The following ASTN1 variants were observed in gnomAD, a reference collection of about 807,000 sequenced individuals.
ASTN1 encodes astrotactin-1.
Under a neutral mutation model 140.7 loss-of-function variants are expected in ASTN1, and 41 were observed. The observed-to-expected ratio is 0.29, with a 90% CI of 0.23 to 0.38. The LOEUF (loss-of-function observed/expected upper bound fraction) is 0.38, where lower values mean the gene tolerates loss of function less well. ASTN1 is among the 10% of genes least tolerant of loss of function. The pLI is 1.00. For synonymous variants in ASTN1, 640 were observed against 652.2 expected (o/e 0.98, Z 0.29); for missense variants, 1,479 against 1,678.8 (o/e 0.88, Z 2.08).
chr1:177,056,914 T>C (rs1252790812), intron 2 of ASTN1, among the ~76,000 whole-genome samples: 1 of 152,168 alleles, frequency 6.6e-6, no homozygotes, highest in Non-Finnish European at 1.5e-5. Flanking sequence ...TGCTTGACTT[T>C]TGGTTTAAAC....
chr1:177,041,699 T>C (rs1676981229), intron 2 of ASTN1, among the ~76,000 whole-genome samples: 1 of 152,262 alleles, frequency 6.6e-6, no homozygotes, highest in African/African-American at 2.4e-5. Flanking sequence ...TTAAGGGAAT[T>C]ATTGAACAAG....
chr1:177,018,128 C>T (rs1334933803), intron 7 of ASTN1, among the ~76,000 whole-genome samples: 1 of 116,972 alleles, frequency 8.5e-6, no homozygotes, highest in African/African-American at 3.3e-5. Context: ...GATCTCCCTT[C>T]CCAGCAGAGA....
At chr1:176,928,714 T>C (rs985286140) in intron 16 of ASTN1, among the ~76,000 whole-genome samples, 1 of 152,220 alleles carries the variant, frequency 6.6e-6, no homozygotes, top group African/African-American at 2.4e-5. Context: ...TGGACCCATG[T>C]TGGGGCCTGA....
In ASTN1 at chr1:177,069,920, C is replaced by T. The variant is rs578083721; in HGVS notation, c.284-8655G>A. Among the ~76,000 whole-genome samples, 11 of 151,814 alleles carry T rather than the reference C, an allele frequency of 7.2e-5. No homozygotes were observed. In the South Asian group the frequency reaches 2.3e-3, roughly 32 times the overall value. On this transcript the variant is annotated intron_variant, in intron 1 of 22. Coordinates refer to ENST00000361833, the MANE Select transcript of ASTN1 (RefSeq NM_004319.3). ...GGCAGGGTTATCTGAGCTGCAAATACACTGGTAAAAGGATTTTTTACTTAT... is the reference window on the plus strand; with the variant it reads ...GGCAGGGTTATCTGAGCTGCAAATATACTGGTAAAAGGATTTTTTACTTAT...
intron 7 of ASTN1, among the ~76,000 whole-genome samples, chr1:177,022,038 T>G (rs1378870697): frequency 2.0e-5 from 3 of 152,186 alleles, no homozygotes; most frequent in Non-Finnish European, 4.4e-5. Flanking sequence ...CTCCTCCATA[T>G]GGGGGCCTAG....
At chr1:176,891,486 T>C (rs6685449) in intron 17 of ASTN1, among the ~76,000 whole-genome samples, 127,236 of 152,176 alleles carry the variant, frequency 0.84, 53,348 homozygotes, top group Middle Eastern at 0.95. Flanking sequence ...TAATAGGTGA[T>C]GCATGCTATA....
intron 8 of ASTN1, among the ~76,000 whole-genome samples, chr1:176,991,570 G>A (rs965677565): frequency 6.6e-6 from 1 of 151,912 alleles, no homozygotes; most frequent in African/African-American, 2.4e-5. Context: ...GGAGCCAGGC[G>A]ACCTGATCGC....
intron 1 of ASTN1, among the ~76,000 whole-genome samples, chr1:177,151,272 T>C (rs1455733802): frequency 2.0e-5 from 3 of 152,158 alleles, no homozygotes; most frequent in Admixed American, 6.6e-5. Flanking sequence ...AAAAATCTAT[T>C]CTCTCTTTCT....
At position 177,060,743 on chromosome 1, in the gene ASTN1, C is replaced by T. The variant is rs1044984308; in HGVS notation, c.471+335G>A. Among the ~76,000 whole-genome samples the T allele has an allele frequency of 5.3e-5, 8 of 152,118 alleles. No individual in the cohort carries two copies. The South Asian group carries it at 8.3e-4, about 16-fold the overall frequency. Reference sequence around the variant, plus strand: ...CTTGAACTCCTGGCCTCAAGTGATCCGTCCATCTTGGTTTCCCAAAGTGCT... The same window carrying T: ...CTTGAACTCCTGGCCTCAAGTGATCTGTCCATCTTGGTTTCCCAAAGTGCT... On this transcript the variant is annotated intron_variant, in intron 2 of 22. Transcript: ENST00000361833.
chr1:176,858,687 G>A (rs1047363031), downstream of ASTN1, among the ~76,000 whole-genome samples: 2 of 152,182 alleles, frequency 1.3e-5, no homozygotes, highest in Admixed American at 1.3e-4. Flanking sequence ...AATCTGCTCA[G>A]CTTGTGAAGG....
chr1:177,055,768 T>G (rs145353894), intron 2 of ASTN1, among the ~76,000 whole-genome samples: 6 of 152,324 alleles, frequency 3.9e-5, no homozygotes, highest in Non-Finnish European at 8.8e-5. Context: ...TCCTGATAAA[T>G]TAGAGCATCC....
At chr1:177,062,907 AC>A (rs1678169822) in intron 1 of ASTN1, among the ~76,000 whole-genome samples, 1 of 152,210 alleles carries the variant, frequency 6.6e-6, no homozygotes, top group African/African-American at 2.4e-5. Context: ...AGTGAATGTG[AC>A]AAGTGTGACA....
At chr1:176,982,703 A>G (rs541084419) in intron 8 of ASTN1, among the ~76,000 whole-genome samples, 1 of 152,258 alleles carries the variant, frequency 6.6e-6, no homozygotes, top group African/African-American at 2.4e-5. Context: ...AGTATGTCTG[A>G]TATGGGGCAT....
chr1:177,065,848 C>G (rs780767019), intron 1 of ASTN1, among the ~76,000 whole-genome samples: 1 of 152,032 alleles, frequency 6.6e-6, no homozygotes, highest in Non-Finnish European at 1.5e-5. Context: ...ACAAAGACCC[C>G]GAAAGAAAAT....
Position 176,946,128 on chromosome 1 carries a change from A to G in ASTN1, c.2055-8T>C. ...TTGTAGTCCTCGATGCACCTAGCAC[A>G]GAGGAGAGCTCAATATAAGAAGTTA... On this transcript the variant is annotated splice_region_variant and splice_polypyrimidine_tract_variant and intron_variant, in intron 12 of 22. Transcript: ENST00000361833. The G allele has an allele frequency of 1.3e-6, 2 of 1,575,166 alleles. No individual in the cohort carries two copies. Among genetic ancestry groups the G allele is most frequent in the Non-Finnish European group, 1.7e-6 (2 of 1,153,898 alleles).
At chr1:177,115,171 T>C (rs1171338742) in intron 1 of ASTN1, among the ~76,000 whole-genome samples, 1 of 152,116 alleles carries the variant, frequency 6.6e-6, no homozygotes, top group Non-Finnish European at 1.5e-5. Context: ...TAAACAGTTG[T>C]GATTTGCTCT....
chr1:176,876,287 C>T (rs1047701475), intron 21 of ASTN1, among the ~76,000 whole-genome samples: 2 of 152,166 alleles, frequency 1.3e-5, no homozygotes, highest in African/African-American at 4.8e-5. Flanking sequence ...TGCTAGGGGG[C>T]TTCATCAGTG....
At chr1:176,887,074 A>C (rs992044910) in intron 18 of ASTN1, among the ~76,000 whole-genome samples, 1 of 151,584 alleles carries the variant, frequency 6.6e-6, no homozygotes, top group Non-Finnish European at 1.5e-5. Flanking sequence ...CATCCTCTTC[A>C]CCCCTCAAAT....
At chr1:176,931,265 G>A (rs148359578) in intron 16 of ASTN1, among the ~76,000 whole-genome samples, 44 of 152,240 alleles carry the variant, frequency 2.9e-4, no homozygotes, top group African/African-American at 9.9e-4. Context: ...TCGGGAGTTC[G>A]AGACCAGTCT....
Sources: gnomAD v4.1 joint callset for allele counts (sites outside exome capture counted in the v4.1 genomes callset) on GRCh38, gnomAD v4.1.1 for gene constraint, MANE v1.5 for transcripts, NCBI Gene and HGNC (gene_info 2026-07-23, HGNC 2026-07-21) for gene names.